CRELD2: variants seen among roughly 807,000 people sequenced by gnomAD.
CRELD2 encodes CRELD disulfide isomerase 2, also known as protein disulfide isomerase CRELD2.
A neutral mutation model predicts 48.1 loss-of-function variants in CRELD2; 33 were observed. That is an observed-to-expected ratio of 0.69 (90% CI 0.52 to 0.92). The LOEUF is 0.92. Ranked by LOEUF, CRELD2 falls within the 40% of genes least tolerant of loss-of-function variation. The pLI is 0.00. For synonymous variants in CRELD2, 220 were observed against 203.9 expected, an observed-to-expected ratio of 1.08 and a Z score of -0.67; for missense variants, 477 against 482.4, an observed-to-expected ratio of 0.99 and a Z score of 0.10.
chr22:49,920,275 C>G, intron 4 of CRELD2, 28 bp downstream of exon 4: 1 of 1,445,410 alleles, frequency 6.9e-7, no homozygotes, highest in African/African-American at 1.4e-5. Flanking sequence ...GAAATCCCAT[C>G]TCCTACGTCA....
chr22:49,922,391 G>A (rs373082508), intron 5 of CRELD2: 47 of 1,609,534 alleles, frequency 2.9e-5, no homozygotes, highest in Non-Finnish European at 3.4e-5. Flanking sequence ...GCCGGAACAC[G>A]CACACCCAGC....
intron 6 of CRELD2, among the ~76,000 whole-genome samples, 180 bp downstream of exon 6, chr22:49,922,887 GGGGA>G (rs1183800673): frequency 1.2e-5 from 1 of 86,208 alleles, no homozygotes; most frequent in African/African-American, 6.4e-5. Flanking sequence ...GTGAGGTGTG[GGGGA>G]GCATGAGGTG....
chr22:49,918,948 C>A, intron 1 of CRELD2, 50 bp downstream of exon 1: 1 of 1,328,172 alleles, frequency 7.5e-7, no homozygotes, highest in South Asian at 1.7e-5. Context: ...GGGTCCCCCT[C>A]ACCCTGCATC....
Position 49,921,691 on chromosome 22 carries a change from C to T in CRELD2, c.522C>T (p.Gly174=). 1 of 1,612,938 alleles carries T rather than the reference C, an allele frequency of 6.2e-7. No homozygotes were observed. The highest frequency in any genetic ancestry group is 8.5e-7 in the Non-Finnish European group (1 of 1,179,982). ...GCCGGTGCCACATGGGGTACCAGGG[C>T]CCGCTGTGCACTGACTGCATGGACG... The part of the protein sequence containing the change: ...GSCRCHMGYQ[G]PLCTDCMDGY... Residue 174 remains glycine, a synonymous_variant, in exon 5 of 10, where the codon GGC becomes GGT. Coordinates refer to ENST00000328268, the MANE Select transcript of CRELD2 (RefSeq NM_024324.5).
At chr22:49,923,761 A>ACT in intron 7 of CRELD2, 1 of 293,210 alleles carries the variant, frequency 3.4e-6, no homozygotes, top group African/African-American at 2.4e-5. Context: ...CAGTTTTTCA[A>ACT]CTTATAAACT....
chr22:49,925,704 C>T, intron 9 of CRELD2, 147 bp downstream of exon 9: 3 of 1,470,998 alleles, frequency 2.0e-6, no homozygotes, highest in Non-Finnish European at 1.8e-6. Context: ...TGCATGACAT[C>T]TCTGTGTGGG....
Position 49,924,435 on chromosome 22 carries a change from G to A in CRELD2, c.848G>A (p.Arg283Lys). The A allele has an allele frequency of 1.9e-6, 3 of 1,609,398 alleles. No homozygotes were observed. The highest frequency in any genetic ancestry group is 1.7e-5 in the Admixed American group (1 of 59,606). Residue 283 changes from arginine to lysine, a missense_variant, in exon 8 of 10, where the codon AGG becomes AAG. Coordinates refer to ENST00000328268, the MANE Select transcript of CRELD2 (RefSeq NM_024324.5). Reference sequence around the variant, plus strand: ...AAAGAGTGTATCTCTGGCTACGCGAGGGAGCACGGACAGTGTGCAGGTCAG... The same window carrying A: ...AAAGAGTGTATCTCTGGCTACGCGAAGGAGCACGGACAGTGTGCAGGTCAG... ...NCKECISGYA[R>K]EHGQCADVDE...
Position 49,918,687 on chromosome 22 carries a change from A to G in CRELD2, c.-83A>G. ...TGGGGGACAGGCCGGCGCGGCTGGGAGCGGGTGGGCGGCCGGGAGGCCGGA... is the reference window on the plus strand; with the variant it reads ...TGGGGGACAGGCCGGCGCGGCTGGGGGCGGGTGGGCGGCCGGGAGGCCGGA... On this transcript the variant is annotated 5_prime_UTR_variant, in exon 1 of 10. Coordinates refer to ENST00000328268, the MANE Select transcript of CRELD2 (RefSeq NM_024324.5). 1 of 467,706 alleles carries G rather than the reference A, an allele frequency of 2.1e-6. No individual in the cohort carries two copies. Among genetic ancestry groups the G allele is most frequent in the Non-Finnish European group, 3.3e-6 (1 of 298,782 alleles). The allele number at this position is 467,706 out of a possible 1,614,324, so 29.0% of individuals were successfully genotyped here. A position where few individuals can be genotyped will look rare whatever the true frequency, so the allele number is the denominator to read the frequency against.
At chr22:49,919,026 T>TCGGGGTCGTCCCCGCCGTGGGCC (rs1252309415) in intron 1 of CRELD2, 128 bp downstream of exon 1, 1 of 861,336 alleles carries the variant, frequency 1.2e-6, no homozygotes, top group Non-Finnish European at 1.7e-6. Context: ...CACCCTGGAT[T>TCGGGGTCGTCCCCGCCGTGGGCC]CGGGATCCCC....
intron 4 of CRELD2, among the ~76,000 whole-genome samples, chr22:49,920,577 T>C (rs1365324323): frequency 6.6e-6 from 1 of 152,222 alleles, no homozygotes; most frequent in Non-Finnish European, 1.5e-5. Flanking sequence ...CCTGTCCAGG[T>C]GCTTCTCCCT....
chr22:49,920,461 C>T (rs1277423050), intron 4 of CRELD2, among the ~76,000 whole-genome samples: 8 of 152,174 alleles, frequency 5.3e-5, no homozygotes, highest in Non-Finnish European at 8.8e-5. Context: ...CATGCTTTAG[C>T]GTAAAACTCT....
intron 5 of CRELD2, chr22:49,922,253 C>T (rs769773563): frequency 3.4e-5 from 53 of 1,564,272 alleles, no homozygotes; most frequent in South Asian, 8.1e-5. Context: ...ACCCGTGGAT[C>T]GATAGTCAGG....
chr22:49,923,539 C>T (rs7410601), intron 7 of CRELD2: 155,915 of 651,708 alleles, frequency 0.24, 22,321 homozygotes, highest in African/African-American at 0.48. Context: ...CCCTGGAGAG[C>T]GCACCCTGCT....
rs2060780914 is a variant in CRELD2 at position 49,927,464 on chromosome 22, T to G, written c.*157T>G. On this transcript the variant is annotated 3_prime_UTR_variant, in exon 10 of 10. Transcript: ENST00000328268. ...CCCTTAAACAGCTGCATTTCTTGGT[T>G]GTTCTTAAACAGACTTGTATATTTT... The G allele has an allele frequency of 3.1e-6, 2 of 652,700 alleles. No individual in the cohort carries two copies. Among genetic ancestry groups the G allele is most frequent in the Non-Finnish European group, 5.6e-6 (2 of 357,290 alleles). The allele number at this position is 652,700 out of a possible 1,614,324, so 40.4% of individuals were successfully genotyped here.
rs756682085 is a variant in CRELD2 at position 49,920,209 on chromosome 22, T to C, written c.377T>C (p.Val126Ala). 55 of 1,613,474 alleles carry C rather than the reference T, an allele frequency of 3.4e-5. 2 individuals carry two copies. In the South Asian group the frequency reaches 5.6e-4, roughly 16 times the overall value. ...TGGTTTTGTGTGAAGACACTGAAAG[T>C]GTGCTGCTCTCCAGGAACCTACGGT... is the stretch of plus-strand genomic sequence containing the variant. ...FEWFCVKTLKVCCSPGTYGPD... is the reference protein window; with the variant it reads ...FEWFCVKTLKACCSPGTYGPD... Residue 126 changes from valine (V) to alanine (A), a missense_variant, in exon 4 of 10, where the codon GTG (valine) becomes GCG (alanine). By Grantham distance (64) the Val-to-Ala change is moderately conservative. Coordinates refer to ENST00000328268, the MANE Select transcript of CRELD2 (RefSeq NM_024324.5).
intron 8 of CRELD2, 39 bp from the exon 9 acceptor site, chr22:49,925,378 G>A (rs745383237): frequency 4.4e-6 from 6 of 1,353,892 alleles, no homozygotes; most frequent in Non-Finnish European, 5.2e-6. Context: ...CGCGTCTGCT[G>A]AGCAAAGTAA....
intron 9 of CRELD2, chr22:49,925,805 T>G: frequency 1.6e-6 from 2 of 1,286,492 alleles, no homozygotes; most frequent in Non-Finnish European, 2.0e-6. Context: ...GGGAAGTCTC[T>G]GAAGCTCAGA....
intron 5 of CRELD2, chr22:49,921,979 G>A (rs58888255): frequency 0.073 from 44,002 of 606,808 alleles, 2,155 homozygotes; most frequent in South Asian, 0.18. Flanking sequence ...GAAGGGAGAA[G>A]CTACTCACCT....
intron 4 of CRELD2, among the ~76,000 whole-genome samples, chr22:49,920,874 T>C (rs1006083196): frequency 1.3e-5 from 2 of 152,146 alleles, no homozygotes; most frequent in Non-Finnish European, 2.9e-5. Context: ...TGGCATGCAC[T>C]GGAGGCCGCA....
Sources: allele counts gnomAD v4.1 joint callset (sites outside exome capture counted in the v4.1 genomes callset), GRCh38; gene constraint gnomAD v4.1.1; transcripts MANE v1.5; gene names NCBI Gene and HGNC (gene_info 2026-07-23, HGNC 2026-07-21).